CLOCK: variants seen among roughly 807,000 people sequenced by gnomAD.
CLOCK encodes the protein clock circadian regulator.
In CLOCK, 43 loss-of-function variants were observed where a neutral mutation model predicts 118.4. That is an observed-to-expected ratio of 0.36 (90% CI 0.28 to 0.47). The LOEUF (loss-of-function observed/expected upper bound fraction) is 0.47. CLOCK is among the 20% of genes least tolerant of loss of function. The pLI is 1.00. For synonymous variants in CLOCK, 326 were observed against 339.2 expected, an observed-to-expected ratio of 0.96 and a Z score of 0.43; for missense variants, 846 against 999.9, an observed-to-expected ratio of 0.85 and a Z score of 2.08.
At chr4:55,507,417 A>G (rs1029453639) in intron 2 of CLOCK, among the ~76,000 whole-genome samples, 1 of 152,066 alleles carries the variant, frequency 6.6e-6, no homozygotes, top group East Asian at 1.9e-4. Flanking sequence ...GTTCAAGACC[A>G]GCCTGTCCAA....
chr4:55,456,132 A>G lies in CLOCK; in HGVS notation c.875+86T>C, dbSNP rs910281023. 6 of 1,299,418 alleles carry G rather than the reference A, an allele frequency of 4.6e-6. No homozygotes were observed. In the Admixed American group the frequency reaches 1.1e-4, roughly 23 times the overall value. The allele number at this position is 1,299,418 out of a possible 1,614,324, so 80.5% of individuals were successfully genotyped here. A position where few individuals can be genotyped will look rare whatever the true frequency, so the allele number is the denominator to read the frequency against. On this transcript the variant is annotated intron_variant, in intron 12 of 22. Coordinates refer to ENST00000513440, the MANE Select transcript of CLOCK (RefSeq NM_004898.4). ...GGAACAGGTTTCAAAGTCCTAATTTAAAAAAAAGTTTGCCCTTGATCCATT... is the reference window on the plus strand; with the variant it reads ...GGAACAGGTTTCAAAGTCCTAATTTGAAAAAAAGTTTGCCCTTGATCCATT...
At chr4:55,498,603 CTTATTA>C (rs56413931) in intron 2 of CLOCK, among the ~76,000 whole-genome samples, 27 of 148,684 alleles carry the variant, frequency 1.8e-4, no homozygotes, top group African/African-American at 4.2e-4. Flanking sequence ...TATCTAGTTC[CTTATTA>C]TTATTATTAT....
At chr4:55,471,369 A>G (rs755064332) in intron 7 of CLOCK, among the ~76,000 whole-genome samples, 15 of 152,188 alleles carry the variant, frequency 9.9e-5, no homozygotes, top group Non-Finnish European at 1.9e-4. Flanking sequence ...TACAATGGTA[A>G]GCCAACAGAA....
In CLOCK at chr4:55,453,055, T is replaced by C; in HGVS notation, c.1205A>G (p.Lys402Arg). 1 of 1,606,162 alleles carries C rather than the reference T, an allele frequency of 6.2e-7. No homozygotes were observed. Among genetic ancestry groups the C allele is most frequent in the Non-Finnish European group, 8.5e-7 (1 of 1,174,496 alleles). The stretch of plus-strand genomic sequence containing the variant: ...TTTTTTTAATTATAAGAAACATACT[T>C]TGTCAGCAGCTGTCTCAGGAAGAGA... ...EESLPETAADKSQDSGSDNRI... is the reference protein window; with the variant it reads ...EESLPETAADRSQDSGSDNRI... The change falls in exon 15 of 23, where the codon AAA becomes AGA. Residue 402 changes from lysine (K) to arginine (R), a missense_variant and splice_region_variant. This residue lies in a region of CLOCK where 520 missense variants were observed against 558.0 expected (regional missense o/e 0.93). Coordinates refer to ENST00000513440, the MANE Select transcript of CLOCK (RefSeq NM_004898.4).
chr4:55,534,201 C>T (rs1159256224), intron 1 of CLOCK, among the ~76,000 whole-genome samples: 1 of 152,094 alleles, frequency 6.6e-6, no homozygotes, highest in East Asian at 1.9e-4. Flanking sequence ...CAATACCAAA[C>T]TTGAAACGAG....
intron 2 of CLOCK, among the ~76,000 whole-genome samples, chr4:55,493,437 T>C (rs1411659898): frequency 6.6e-6 from 1 of 152,234 alleles, no homozygotes; most frequent in African/African-American, 2.4e-5. Context: ...TGAAATTTAA[T>C]TGACCGGTAT....
chr4:55,453,098 C>T lies in CLOCK; in HGVS notation c.1162G>A (p.Glu388Lys), dbSNP rs1383820073. The T allele has an allele frequency of 1.2e-5, 19 of 1,612,684 alleles. No individual in the cohort carries two copies. The highest frequency in any genetic ancestry group is 1.6e-5 in the Non-Finnish European group (19 of 1,179,184). The change falls in exon 15 of 23, where the codon GAA becomes AAA. Residue 388 changes from glutamate (E) to lysine (K), a missense_variant. This residue lies in a region of CLOCK where 520 missense variants were observed against 558.0 expected (regional missense o/e 0.93). Coordinates refer to ENST00000513440, the MANE Select transcript of CLOCK (RefSeq NM_004898.4). ...GGAAGAGACTCTTCAATGCCAAGTT[C>T]TCGTCGTCTTTCAGCCCTAACTTCT... ...YAEVRAERRR[E>K]LGIEESLPET...
intron 11 of CLOCK, among the ~76,000 whole-genome samples, chr4:55,457,957 A>G (rs981170646): frequency 1.3e-5 from 2 of 152,198 alleles, no homozygotes; most frequent in Non-Finnish European, 2.9e-5. Flanking sequence ...TAAAATACAC[A>G]GCATGTAGTA....
intron 11 of CLOCK, among the ~76,000 whole-genome samples, chr4:55,456,677 AT>A (rs1724944238): frequency 2.6e-5 from 4 of 151,942 alleles, no homozygotes; most frequent in African/African-American, 4.8e-5. Context: ...GTATGTATAT[AT>A]TTACCTATTT....
At chr4:55,468,954 C>T (rs1418374610) in intron 8 of CLOCK, among the ~76,000 whole-genome samples, 1 of 152,128 alleles carries the variant, frequency 6.6e-6, no homozygotes, top group African/African-American at 2.4e-5. Context: ...ATTAGTCATC[C>T]TTTGCACTTG....
At chr4:55,531,702 T>A (rs1351157633) in intron 1 of CLOCK, among the ~76,000 whole-genome samples, 1 of 18,626 alleles carries the variant, frequency 5.4e-5, no homozygotes. Context: ...AGACTTCGTC[T>A]CAAAAAAAAA....
At chr4:55,539,661 C>T (rs1231212150) in intron 1 of CLOCK, among the ~76,000 whole-genome samples, 1 of 149,704 alleles carries the variant, frequency 6.7e-6, no homozygotes, top group African/African-American at 2.5e-5. Flanking sequence ...ACTAGGTAGG[C>T]CAGTATCAAA....
chr4:55,473,849 G>A (rs140400823), intron 7 of CLOCK, among the ~76,000 whole-genome samples: 38 of 152,132 alleles, frequency 2.5e-4, no homozygotes, highest in African/African-American at 8.0e-4. Context: ...ATAAGGTGGC[G>A]AATTTAAATG....
At chr4:55,507,056 GT>G (rs1482664263) in intron 2 of CLOCK, among the ~76,000 whole-genome samples, 3 of 152,112 alleles carry the variant, frequency 2.0e-5, no homozygotes, top group African/African-American at 7.2e-5. Flanking sequence ...GCTCATGCTT[GT>G]AATCACAGCA....
chr4:55,520,753 A>G (rs973449571), intron 1 of CLOCK, among the ~76,000 whole-genome samples: 5 of 152,154 alleles, frequency 3.3e-5, no homozygotes, highest in Admixed American at 6.5e-5. Context: ...AATTTTCCCA[A>G]TTCTGTGACT....
intron 1 of CLOCK, among the ~76,000 whole-genome samples, chr4:55,543,910 A>G (rs958919168): frequency 7.2e-5 from 11 of 152,234 alleles, no homozygotes; most frequent in African/African-American, 9.6e-5. Flanking sequence ...CAGAAATAAT[A>G]TAAGTATCCT....
intron 1 of CLOCK, among the ~76,000 whole-genome samples, chr4:55,510,629 TAAAAAAAAAAAAAAAA>T (rs3842583): frequency 9.6e-6 from 1 of 104,310 alleles, no homozygotes; most frequent in African/African-American, 4.1e-5. Context: ...TCTGTCTTTT[TAAAAAAAAAAAAAAAA>T]AAAAAAAAGG....
At chr4:55,483,775 T>C (rs17779627) in intron 3 of CLOCK, among the ~76,000 whole-genome samples, 37,489 of 152,128 alleles carry the variant, frequency 0.25, 4,958 homozygotes, top group South Asian at 0.37. Flanking sequence ...AGAATACAAG[T>C]GGTAAACTGG....
chr4:55,488,503 C>A (rs1409423793), intron 3 of CLOCK, among the ~76,000 whole-genome samples: 3 of 152,186 alleles, frequency 2.0e-5, no homozygotes, highest in Admixed American at 2.0e-4. Context: ...TTTCCCCCAA[C>A]CTGATCTCCA....
Sources: allele counts gnomAD v4.1 joint callset (sites outside exome capture counted in the v4.1 genomes callset), GRCh38; gene constraint gnomAD v4.1.1; regional missense constraint gnomAD v4.1.1; transcripts MANE v1.5; gene names NCBI Gene and HGNC (gene_info 2026-07-23, HGNC 2026-07-21).